Variants in PDE4DIP observed in about 807,000 individuals in gnomAD.
The protein encoded by PDE4DIP is phosphodiesterase 4D interacting protein.
A neutral mutation model predicts 221.4 loss-of-function variants in PDE4DIP; 59 were observed. The ratio of observed to expected loss-of-function variants is 0.27; its 90% CI spans 0.22 to 0.33. The LOEUF is 0.33. Ranked by LOEUF, PDE4DIP falls within the 10% of genes least tolerant of loss-of-function variation. PDE4DIP has a pLI of 1.00. For missense variants in PDE4DIP, 1,036 were observed against 2,154.2 expected (o/e 0.48, Z 10.28); for synonymous variants, 404 against 815.9 (o/e 0.50, Z 8.60).
chr1:148,821,421 T>G (rs1194187053), intron 1 of PDE4DIP, among the ~76,000 whole-genome samples: 2 of 150,628 alleles, frequency 1.3e-5, no homozygotes, highest in East Asian at 3.9e-4. Flanking sequence ...GGAACAAAAT[T>G]ATTGGATAAA....
chr1:149,022,933 G>A (rs1327020145), intron 37 of PDE4DIP, among the ~76,000 whole-genome samples: 1 of 152,096 alleles, frequency 6.6e-6, no homozygotes, highest in Non-Finnish European at 1.5e-5. Context: ...AAGATGAAAG[G>A]GTATAGATAG....
chr1:148,954,331 C>T (rs1240267441), intron 5 of PDE4DIP, among the ~76,000 whole-genome samples: 7 of 151,544 alleles, frequency 4.6e-5, no homozygotes, highest in Non-Finnish European at 7.4e-5. Flanking sequence ...GCAGTTAGTT[C>T]TCTAGTTAGT....
At chr1:148,920,255 CCTGAGTAGCTGAATAG>C (rs1226931793) in intron 1 of PDE4DIP, among the ~76,000 whole-genome samples, 5 of 132,410 alleles carry the variant, frequency 3.8e-5, no homozygotes, top group Non-Finnish European at 7.9e-5. Context: ...GCCTCAGCCT[CCTGAGTAGCTGAATAG>C]CTGAGTAGCT....
chr1:148,859,761 A>G (rs1369954808), intron 1 of PDE4DIP, among the ~76,000 whole-genome samples: 26 of 139,676 alleles, frequency 1.9e-4, no homozygotes, highest in African/African-American at 7.4e-4. Flanking sequence ...CTTGGGTAAT[A>G]CGAAAGAATG....
At chr1:148,952,108 T>G in intron 5 of PDE4DIP, 12 of 1,022,096 alleles carry the variant, frequency 1.2e-5, no homozygotes, top group Non-Finnish European at 1.4e-5. Context: ...AGCCTCGACA[T>G]CCTGCAGAGG....
intron 40 of PDE4DIP, among the ~76,000 whole-genome samples, chr1:149,028,258 T>A (rs2075742977): frequency 6.7e-6 from 1 of 148,614 alleles, no homozygotes; most frequent in Non-Finnish European, 1.5e-5. Context: ...TGAGAAGTCA[T>A]CCTCTGTGCT....
Position 148,954,037 on chromosome 1 carries a change from C to T in PDE4DIP, c.637-6617C>T. ...ATTAGTCATGACCCCATTTTTGCTG[C>T]ACCTTTTGCTCTGTCTCATTTAGTA... On this transcript the variant is annotated intron_variant, in intron 5 of 43. Transcript: ENST00000369354. The T allele has an allele frequency of 4.4e-6, 3 of 678,136 alleles. No homozygotes were observed. In the South Asian group the frequency reaches 5.6e-5, roughly 13 times the overall value. The allele number at this position is 678,136 out of a possible 1,614,324, so 42.0% of individuals were successfully genotyped here. A position where few individuals can be genotyped will look rare whatever the true frequency, so the allele number is the denominator to read the frequency against.
intron 14 of PDE4DIP, among the ~76,000 whole-genome samples, chr1:148,970,716 C>T (rs1306621372): frequency 2.2e-4 from 33 of 151,996 alleles, no homozygotes; most frequent in Non-Finnish European, 4.4e-4. Context: ...TTAAATACTA[C>T]GAGAAAAGGA....
chr1:148,951,826 A>G (rs1574101485), intron 5 of PDE4DIP: 1 of 156,082 alleles, frequency 6.4e-6, no homozygotes, highest in South Asian at 2.0e-4. Context: ...AGGGAGAAAC[A>G]CTCCTCTACT....
chr1:149,012,785 T>C lies in PDE4DIP; in HGVS notation c.5266+9T>C. On this transcript the variant is annotated intron_variant, in intron 32 of 43. Coordinates refer to ENST00000369354, the Ensembl canonical transcript of PDE4DIP. ...GAAGCAGTTGGGAGAAAGTGAGCAC[T>C]TCTGCATTTGTGTGCTTGCGATTGG... 6.3e-7 allele frequency: 1 copy of C among 1,577,976 alleles called. No individual in the cohort carries two copies. The highest frequency in any genetic ancestry group is 8.6e-7 in the Non-Finnish European group (1 of 1,158,646).
chr1:148,983,058 G>A (rs1436817158), intron 21 of PDE4DIP: 8 of 152,062 alleles, frequency 5.3e-5, no homozygotes, highest in Admixed American at 4.6e-4. Context: ...TGAGGAAAAA[G>A]GAGTCATTTA....
At chr1:148,971,401 T>C (rs1186403247) in intron 14 of PDE4DIP, among the ~76,000 whole-genome samples, 1 of 148,094 alleles carries the variant, frequency 6.8e-6, no homozygotes, top group Admixed American at 6.7e-5. Context: ...CAGTAAGAAG[T>C]GTTGGAGATA....
At chr1:148,963,828 G>A (rs1416238430) in intron 9 of PDE4DIP, among the ~76,000 whole-genome samples, 10 of 113,942 alleles carry the variant, frequency 8.8e-5, no homozygotes, top group East Asian at 3.2e-4. Context: ...ATCTCGGCTC[G>A]CTGCAAGCTC....
chr1:148,954,541 A>G (rs1488495307), intron 5 of PDE4DIP, among the ~76,000 whole-genome samples: 1 of 148,484 alleles, frequency 6.7e-6, no homozygotes, highest in Non-Finnish European at 1.5e-5. Flanking sequence ...ATTCAAGTAC[A>G]GTATTGTCAG....
At chr1:148,940,483 A>G (rs1414642523) in intron 5 of PDE4DIP, among the ~76,000 whole-genome samples, 1 of 151,252 alleles carries the variant, frequency 6.6e-6, no homozygotes, top group Non-Finnish European at 1.5e-5. Flanking sequence ...TTTTTCATAG[A>G]AAATTCATTT....
At chr1:148,938,232 T>C (rs2049700989) in intron 5 of PDE4DIP, 1 of 163,056 alleles carries the variant, frequency 6.1e-6, no homozygotes, top group Admixed American at 6.1e-5. Context: ...AGAAAGAGTC[T>C]GTTACTTTTC....
chr1:148,838,773 C>A (rs1305472274), intron 1 of PDE4DIP, among the ~76,000 whole-genome samples: 1 of 78,214 alleles, frequency 1.3e-5, no homozygotes, highest in African/African-American at 4.1e-5. Context: ...TCATTGGGCA[C>A]CTTTTCTATT....
At position 148,899,182 on chromosome 1, in the gene PDE4DIP, A is replaced by G. The variant is rs1188793486; in HGVS notation, c.141+9288A>G. On this transcript the variant is annotated intron_variant, in intron 1 of 43. Coordinates refer to ENST00000369354, the Ensembl canonical transcript of PDE4DIP. ...ACAATATACAAAAGCAGAGGTGTACAAAAGCAATGTGCACTTGGCACACTG... is the reference window on the plus strand; with the variant it reads ...ACAATATACAAAAGCAGAGGTGTACGAAAGCAATGTGCACTTGGCACACTG... 7.5e-5 allele frequency among the ~76,000 whole-genome samples: 9 copies of G among 119,542 alleles called. 2 individuals are homozygous for G. The highest frequency in any genetic ancestry group is 1.5e-4 in the Non-Finnish European group (9 of 60,166). The allele number at this position is 119,542 out of a possible 152,430, so 78.4% of individuals were successfully genotyped here.
chr1:148,978,053 G>A, exon 18 of PDE4DIP: 1 of 1,612,174 alleles, frequency 6.2e-7, no homozygotes, highest in East Asian at 2.2e-5. Context: ...ATCTCATAAA[G>A]GTCTTTCAAA....
Sources: gnomAD v4.1 joint callset for allele counts (sites outside exome capture counted in the v4.1 genomes callset) on GRCh38, gnomAD v4.1.1 for gene constraint, MANE v1.5 for transcripts, NCBI Gene and HGNC (gene_info 2026-07-23, HGNC 2026-07-21) for gene names.